The following SNW1 variants were observed in gnomAD, a reference collection of about 807,000 sequenced individuals.
The protein encoded by SNW1 is SNW domain containing 1, also known as SNW domain-containing protein 1.
A neutral mutation model predicts 75.6 loss-of-function variants in SNW1; 9 were observed. The ratio of observed to expected loss-of-function variants is 0.12; its 90% CI spans 0.07 to 0.21. SNW1 has a LOEUF of 0.21. Among genes scored for constraint, SNW1 ranks in the 10% least tolerant of loss-of-function variants. SNW1 has a pLI of 1.00. For synonymous variants in SNW1, 200 were observed against 219.1 expected (o/e 0.91, Z 0.77); for missense variants, 409 against 670.9 (o/e 0.61, Z 4.31).
In SNW1 at chr14:77,760,801, C is replaced by G. The variant is rs563521978; in HGVS notation, c.14+313G>C. On this transcript the variant is annotated intron_variant, in intron 1 of 13. Transcript: ENST00000261531. ...ACCAACCCCATCTCGTTCGCCCGAG[C>G]CGCGGACCTGAGGGAGCGCTGTCCG... 57 of 711,428 alleles carry G rather than the reference C, an allele frequency of 8.0e-5. No individual in the cohort carries two copies. The African/African-American group carries it at 8.9e-4, about 11-fold the overall frequency. 44.1% of individuals were successfully genotyped at this position (711,428 alleles called of 1,614,324 possible).
intron 7 of SNW1, among the ~76,000 whole-genome samples, chr14:77,735,535 G>A (rs1003279210): frequency 6.6e-6 from 1 of 152,112 alleles, no homozygotes; most frequent in Non-Finnish European, 1.5e-5. Flanking sequence ...TGCCCGCCTC[G>A]GCCTCCCAAA....
intron 2 of SNW1, among the ~76,000 whole-genome samples, chr14:77,753,639 G>A (rs1393783443): frequency 6.6e-6 from 1 of 152,118 alleles, no homozygotes; most frequent in Non-Finnish European, 1.5e-5. Flanking sequence ...CTAGTTGGGT[G>A]TTCCTCTTAT....
At chr14:77,742,537 A>G (rs2080726796) in intron 3 of SNW1, among the ~76,000 whole-genome samples, 1 of 152,198 alleles carries the variant, frequency 6.6e-6, no homozygotes, top group Admixed American at 6.5e-5. Context: ...GCAAAGAACT[A>G]GACTGACTAA....
chr14:77,739,927 G>A (rs542289438), intron 3 of SNW1, among the ~76,000 whole-genome samples: 23 of 152,132 alleles, frequency 1.5e-4, no homozygotes, highest in African/African-American at 5.3e-4. Context: ...GTGGTCAGGA[G>A]ATCGAAACCA....
intron 7 of SNW1, 63 bp downstream of exon 7, chr14:77,735,874 G>A (rs1402405494): frequency 1.8e-5 from 22 of 1,249,350 alleles, no homozygotes; most frequent in Non-Finnish European, 2.3e-5. Flanking sequence ...GGCATAGGGA[G>A]GTTATCTATA....
intron 12 of SNW1, among the ~76,000 whole-genome samples, chr14:77,720,245 G>C (rs929124985): frequency 1.4e-4 from 17 of 117,252 alleles, no homozygotes; most frequent in African/African-American, 5.2e-4. Flanking sequence ...AGCAATTCTC[G>C]TGCCTCAGCC....
Position 77,718,311 on chromosome 14 carries a change from G to C in SNW1, c.1413-25C>G, listed in dbSNP as rs368327065. The stretch of plus-strand genomic sequence containing the variant: ...TCTAAGGAAAAGGAGAAAAAACTAT[G>C]AACTACTTTGCTTTCACCAGTGTAA... On this transcript the variant is annotated intron_variant, in intron 13 of 13. Coordinates refer to ENST00000261531, the MANE Select transcript of SNW1 (RefSeq NM_012245.3). The C allele has an allele frequency of 3.8e-5, 61 of 1,614,076 alleles. No individual in the cohort carries two copies. In the Middle Eastern group the frequency reaches 4.9e-4, roughly 13 times the overall value.
intron 3 of SNW1, among the ~76,000 whole-genome samples, chr14:77,742,407 G>A (rs1004517272): frequency 2.6e-5 from 4 of 152,120 alleles, no homozygotes; most frequent in Non-Finnish European, 5.9e-5. Flanking sequence ...CAAATGGGCT[G>A]GGGAGCGTTT....
chr14:77,736,925 C>T (rs1293739694), intron 6 of SNW1, 46 bp downstream of exon 6: 2 of 1,320,226 alleles, frequency 1.5e-6, no homozygotes, highest in African/African-American at 2.9e-5. Flanking sequence ...TTTTGAGATT[C>T]ATCCATGTTA....
chr14:77,725,948 G>A (rs537642914), intron 10 of SNW1, among the ~76,000 whole-genome samples: 97 of 152,168 alleles, frequency 6.4e-4, no homozygotes, highest in African/African-American at 2.2e-3. Context: ...ATTTATAGCC[G>A]ATCCATTTAT....
chr14:77,739,793 C>T (rs1402321321), intron 3 of SNW1, among the ~76,000 whole-genome samples: 2 of 152,018 alleles, frequency 1.3e-5, no homozygotes, highest in Non-Finnish European at 2.9e-5. Flanking sequence ...ATCTATACTT[C>T]TTAAATATTT....
chr14:77,720,203 C>G (rs975800028), intron 12 of SNW1, among the ~76,000 whole-genome samples: 2 of 145,566 alleles, frequency 1.4e-5, no homozygotes, highest in Non-Finnish European at 1.5e-5. Flanking sequence ...GTCACCCAGG[C>G]TAGAGTGCAG....
At chr14:77,747,787 G>C (rs1232795990) in intron 3 of SNW1, among the ~76,000 whole-genome samples, 2 of 149,444 alleles carry the variant, frequency 1.3e-5, no homozygotes, top group Non-Finnish European at 3.0e-5. Context: ...CGCCCTGTCC[G>C]GGAGGTGGGG....
chr14:77,750,921 G>A (rs930232020), intron 3 of SNW1, among the ~76,000 whole-genome samples: 2 of 152,120 alleles, frequency 1.3e-5, no homozygotes, highest in Admixed American at 1.3e-4. Context: ...GTACATGGAG[G>A]AAATGAGTCA....
chr14:77,722,425 C>T, intron 11 of SNW1: 1 of 405,484 alleles, frequency 2.5e-6, no homozygotes, highest in Non-Finnish European at 4.9e-6. Context: ...CAAAACTGCT[C>T]TTCTCCTCAA....
intron 10 of SNW1, among the ~76,000 whole-genome samples, chr14:77,729,475 A>T (rs907403329): frequency 2.0e-5 from 3 of 152,226 alleles, no homozygotes; most frequent in Non-Finnish European, 4.4e-5. Context: ...GCATTAGCCC[A>T]TGCCCATTCC....
chr14:77,734,430 C>T (rs528463255), intron 8 of SNW1, among the ~76,000 whole-genome samples: 1 of 152,276 alleles, frequency 6.6e-6, no homozygotes, highest in African/African-American at 2.4e-5. Flanking sequence ...CTTCTGCTAG[C>T]TACAATTCAC....
At chr14:77,747,874 G>A (rs1355712296) in intron 3 of SNW1, among the ~76,000 whole-genome samples, 1 of 152,174 alleles carries the variant, frequency 6.6e-6, no homozygotes, top group Non-Finnish European at 1.5e-5. Flanking sequence ...GGGAGGTGAG[G>A]AGCCCCTCTG....
chr14:77,753,198 C>T (rs1488458285), intron 2 of SNW1, among the ~76,000 whole-genome samples: 1 of 152,172 alleles, frequency 6.6e-6, no homozygotes, highest in Non-Finnish European at 1.5e-5. Flanking sequence ...TTCTGTTTCA[C>T]CAGGATATAT....
Sources: gnomAD v4.1 joint callset for allele counts (sites outside exome capture counted in the v4.1 genomes callset) on GRCh38, gnomAD v4.1.1 for gene constraint, MANE v1.5 for transcripts, NCBI Gene and HGNC (gene_info 2026-07-23, HGNC 2026-07-21) for gene names.